SUMF1: variants seen among roughly 807,000 people sequenced by gnomAD.
SUMF1 encodes the protein sulfatase modifying factor 1.
Under a neutral mutation model 47.6 loss-of-function variants are expected in SUMF1, and 48 were observed. The observed-to-expected ratio is 1.01, with a 90% CI of 0.80 to 1.28. The LOEUF is 1.28. SUMF1 is among the 50% of genes most tolerant of loss of function. SUMF1 has a pLI of 0.00. For synonymous variants in SUMF1, 230 were observed against 192.1 expected (o/e 1.20, Z -1.63); for missense variants, 571 against 485.4 (o/e 1.18, Z -1.66).
chr3:4,125,170 A>C (rs1311182167), intron 8 of SUMF1, among the ~76,000 whole-genome samples: 1 of 152,152 alleles, frequency 6.6e-6, no homozygotes, highest in Non-Finnish European at 1.5e-5. Flanking sequence ...TGTACAATAC[A>C]ATAGCCACTA....
chr3:4,268,101 T>C (rs541372730), intron 8 of SUMF1, among the ~76,000 whole-genome samples: 9 of 152,174 alleles, frequency 5.9e-5, no homozygotes, highest in African/African-American at 9.6e-5. Context: ...ATGGATGAAA[T>C]TGGAAATCAT....
At chr3:4,321,239 TAC>T (rs1698823566) in intron 8 of SUMF1, among the ~76,000 whole-genome samples, 1 of 152,096 alleles carries the variant, frequency 6.6e-6, no homozygotes. Context: ...GTTAGTATAT[TAC>T]AGTTAGTATG....
intron 8 of SUMF1, among the ~76,000 whole-genome samples, chr3:4,196,725 C>T (rs1292656092): frequency 1.3e-5 from 2 of 152,112 alleles, no homozygotes; most frequent in Non-Finnish European, 1.5e-5. Context: ...CTGTTCAGGG[C>T]TCTAAGCAAT....
chr3:4,450,853 G>A (rs1378413407), intron 2 of SUMF1, among the ~76,000 whole-genome samples: 1 of 151,950 alleles, frequency 6.6e-6, no homozygotes, highest in Non-Finnish European at 1.5e-5. Context: ...TCTTGAGGTG[G>A]GAAAGAATGT....
At chr3:4,374,452 C>A (rs1231720850) in intron 8 of SUMF1, among the ~76,000 whole-genome samples, 3 of 152,094 alleles carry the variant, frequency 2.0e-5, no homozygotes, top group South Asian at 2.1e-4. Flanking sequence ...ATGTAGATTA[C>A]AAATAAGCTA....
intron 8 of SUMF1, among the ~76,000 whole-genome samples, chr3:4,076,206 C>T (rs559227913): frequency 1.3e-5 from 2 of 152,220 alleles, no homozygotes; most frequent in South Asian, 4.1e-4. Context: ...AACCATCTAT[C>T]TTTGACAAAC....
intron 7 of SUMF1, among the ~76,000 whole-genome samples, chr3:4,408,791 C>T (rs549926733): frequency 2.0e-5 from 3 of 151,786 alleles, no homozygotes; most frequent in Admixed American, 6.6e-5. Flanking sequence ...GCCAAAATGG[C>T]GAAACCCCGT....
chr3:4,356,177 C>T (rs567831396), downstream of SUMF1, among the ~76,000 whole-genome samples: 25 of 152,298 alleles, frequency 1.6e-4, no homozygotes, highest in Admixed American at 5.9e-4. Context: ...CAAAGGCTAG[C>T]TTTCACTAAT....
intron 8 of SUMF1, among the ~76,000 whole-genome samples, chr3:4,262,186 T>A (rs375075465): frequency 3.9e-5 from 6 of 152,136 alleles, no homozygotes; most frequent in African/African-American, 1.4e-4. Context: ...GGAGGGTACC[T>A]GAAAGTGCCC....
At chr3:4,381,156 T>A (rs965255010) in intron 7 of SUMF1, among the ~76,000 whole-genome samples, 4 of 152,160 alleles carry the variant, frequency 2.6e-5, no homozygotes, top group African/African-American at 9.7e-5. Flanking sequence ...CAAATTTCCA[T>A]CACTCAGCAA....
chr3:4,241,181 C>G (rs911692034), intron 8 of SUMF1, among the ~76,000 whole-genome samples: 1 of 152,060 alleles, frequency 6.6e-6, no homozygotes, highest in Non-Finnish European at 1.5e-5. Flanking sequence ...AAAGGCTCTC[C>G]AAATATATCT....
At chr3:4,052,639 T>C (rs1222150154) in intron 9 of SUMF1, among the ~76,000 whole-genome samples, 2 of 152,214 alleles carry the variant, frequency 1.3e-5, no homozygotes, top group African/African-American at 4.8e-5. Flanking sequence ...ACCCATCCAC[T>C]ATTTTCTTTG....
intron 9 of SUMF1, among the ~76,000 whole-genome samples, chr3:4,035,402 C>T (rs1694774744): frequency 6.6e-6 from 1 of 152,164 alleles, no homozygotes; most frequent in African/African-American, 2.4e-5. Context: ...CCTCTGCGTT[C>T]ATGTGAGTTT....
At chr3:4,213,419 A>G (rs2125165903) in intron 8 of SUMF1, among the ~76,000 whole-genome samples, 1 of 152,346 alleles carries the variant, frequency 6.6e-6, no homozygotes, top group African/African-American at 2.4e-5. Flanking sequence ...GAAGCACTAA[A>G]CATGGAAAGG....
chr3:4,331,366 A>G (rs886266196), intron 8 of SUMF1, among the ~76,000 whole-genome samples: 1 of 152,172 alleles, frequency 6.6e-6, no homozygotes, highest in Non-Finnish European at 1.5e-5. Context: ...TTTCTCTTGT[A>G]TTTAGTAATT....
chr3:4,313,929 C>A, intron 8 of SUMF1: 1 of 1,233,250 alleles, frequency 8.1e-7, no homozygotes, highest in Non-Finnish European at 1.1e-6. Flanking sequence ...CTCCATTTAA[C>A]AAAAGTACAT....
chr3:4,359,850 C>G (rs1164229609), downstream of SUMF1, among the ~76,000 whole-genome samples: 2 of 152,266 alleles, frequency 1.3e-5, no homozygotes, highest in Non-Finnish European at 2.9e-5. Flanking sequence ...CTCAGTTGCC[C>G]AGGCTGGTCT....
intron 8 of SUMF1, among the ~76,000 whole-genome samples, chr3:4,120,821 A>G (rs553254816): frequency 1.3e-5 from 2 of 152,244 alleles, no homozygotes; most frequent in Non-Finnish European, 2.9e-5. Flanking sequence ...TATTAAATGC[A>G]CCTGAAGTCT....
At chr3:4,364,670 A>C (rs1233823678) in intron 8 of SUMF1, among the ~76,000 whole-genome samples, 19 of 150,438 alleles carry the variant, frequency 1.3e-4, no homozygotes, top group East Asian at 5.9e-4. Context: ...CCTTTCAAAA[A>C]ACCAGCTCCT....
Sources: gnomAD v4.1 joint callset for allele counts (sites outside exome capture counted in the v4.1 genomes callset) on GRCh38, gnomAD v4.1.1 for gene constraint, MANE v1.5 for transcripts, NCBI Gene and HGNC (gene_info 2026-07-23, HGNC 2026-07-21) for gene names.